FAM81A: variants seen among roughly 807,000 people sequenced by gnomAD.
The protein encoded by FAM81A is family with sequence similarity 81 member A.
A neutral mutation model predicts 46.7 loss-of-function variants in FAM81A; 19 were observed. That is an observed-to-expected ratio of 0.41 (90% CI 0.28 to 0.60). The LOEUF (loss-of-function observed/expected upper bound fraction) is 0.60, where lower values mean the gene tolerates loss of function less well. FAM81A is among the 20% of genes least tolerant of loss of function. The pLI is 0.34. For synonymous variants in FAM81A, 183 were observed against 152.9 expected (o/e 1.20, Z -1.45); for missense variants, 377 against 453.5 (o/e 0.83, Z 1.53).
rs1321878928 is a variant in FAM81A at position 59,447,222 on chromosome 15, G to T, written c.-78+8940G>T. Among the ~76,000 whole-genome samples the T allele has an allele frequency of 2.0e-5, 3 of 152,186 alleles. No individual in the cohort carries two copies. In the East Asian group the frequency reaches 5.8e-4, roughly 29 times the overall value. Reference sequence around the variant, plus strand: ...GTTGTAGGATTTCTGGGTTGCTGAGGTAATGTACAGTTGAAAAAATGTCAA... The same window carrying T: ...GTTGTAGGATTTCTGGGTTGCTGAGTTAATGTACAGTTGAAAAAATGTCAA... On this transcript the variant is annotated intron_variant, in intron 1 of 8. Coordinates refer to ENST00000288228, the MANE Select transcript of FAM81A (RefSeq NM_152450.3).
intron 6 of FAM81A, 75 bp from the exon 7 acceptor site, chr15:59,514,214 T>C: frequency 7.2e-7 from 1 of 1,394,464 alleles, no homozygotes; most frequent in Non-Finnish European, 9.5e-7. Context: ...ATCCTCAACA[T>C]GTACCCTGGA....
At chr15:59,467,412 G>A (rs1436742685) in intron 3 of FAM81A, among the ~76,000 whole-genome samples, 1 of 152,182 alleles carries the variant, frequency 6.6e-6, no homozygotes, top group Admixed American at 6.5e-5. Context: ...CTTCCTTGAA[G>A]AGGTCCTTCA....
At chr15:59,427,821 G>A (rs2081201838) in intron 2 of FAM81A, among the ~76,000 whole-genome samples, 1 of 152,084 alleles carries the variant, frequency 6.6e-6, no homozygotes, top group Middle Eastern at 3.2e-3. Context: ...ATACACTTAG[G>A]TTGCTTCCAA....
At chr15:59,432,959 C>T (rs2081226884) in intron 2 of FAM81A, among the ~76,000 whole-genome samples, 1 of 140,036 alleles carries the variant, frequency 7.1e-6, no homozygotes, top group Admixed American at 7.3e-5. Context: ...CACGGTGAAA[C>T]CCCGTCTCTA....
intron 3 of FAM81A, among the ~76,000 whole-genome samples, chr15:59,471,132 A>G: frequency 6.6e-6 from 1 of 152,094 alleles, no homozygotes; most frequent in East Asian, 1.9e-4. Context: ...TACTTTGTAT[A>G]TTTTTAACCT....
chr15:59,508,834 G>T, intron 5 of FAM81A, 29 bp from the exon 6 acceptor site: 2 of 1,574,078 alleles, frequency 1.3e-6, no homozygotes, highest in Middle Eastern at 1.7e-4. Flanking sequence ...CGTTAGATGT[G>T]ATATTTATAA....
rs76793667 is a variant in FAM81A, at chr15:59,459,194, C to T, written c.20+548C>T. Among the ~76,000 whole-genome samples, 5 of 152,170 alleles carry T rather than the reference C, an allele frequency of 3.3e-5. No homozygotes were observed. The East Asian group carries it at 7.7e-4, about 24-fold the overall frequency. ...ATAATTTTTTTTGTAGAGATAGGGT[C>T]TCGTTGTGTTGCCCAGGCTGATCTT... On this transcript the variant is annotated intron_variant, in intron 2 of 8. Coordinates refer to ENST00000288228, the MANE Select transcript of FAM81A (RefSeq NM_152450.3).
chr15:59,520,679 C>G (rs2082318693), intron 8 of FAM81A, among the ~76,000 whole-genome samples: 1 of 151,746 alleles, frequency 6.6e-6, no homozygotes, highest in South Asian at 2.1e-4. Context: ...TTCTCCCTGC[C>G]TCAGCCTCCC....
chr15:59,482,733 G>A lies in FAM81A; in HGVS notation c.295-9538G>A, dbSNP rs559939075. On this transcript the variant is annotated intron_variant, in intron 3 of 8. Coordinates refer to ENST00000288228, the MANE Select transcript of FAM81A (RefSeq NM_152450.3). Reference sequence around the variant, plus strand: ...GGTCTTATGCCTTACTATAGGCAAAGGTTTGCACCACTACATACAAAAAGA... The same window carrying A: ...GGTCTTATGCCTTACTATAGGCAAAAGTTTGCACCACTACATACAAAAAGA... Among the ~76,000 whole-genome samples, 9 of 152,276 alleles carry A rather than the reference G, an allele frequency of 5.9e-5. No homozygotes were observed. The East Asian group carries it at 1.7e-3, about 29-fold the overall frequency.
chr15:59,425,530 G>C (rs1305257523), intron 2 of FAM81A, among the ~76,000 whole-genome samples: 4 of 152,036 alleles, frequency 2.6e-5, no homozygotes, highest in Non-Finnish European at 5.9e-5. Context: ...TATTATTACA[G>C]TTACACACAG....
chr15:59,425,468 C>A (rs75452485), intron 2 of FAM81A, among the ~76,000 whole-genome samples: 2,157 of 152,182 alleles, frequency 0.014, 44 homozygotes, highest in African/African-American at 0.049. Context: ...ATTCATAAGC[C>A]TTATTTAAAA....
intron 3 of FAM81A, among the ~76,000 whole-genome samples, chr15:59,487,612 G>A (rs2081933770): frequency 6.6e-6 from 1 of 152,010 alleles, no homozygotes; most frequent in South Asian, 2.1e-4. Flanking sequence ...GATCATTAGA[G>A]GCTACTAGGA....
intron 4 of FAM81A, among the ~76,000 whole-genome samples, chr15:59,496,969 G>A (rs1361689003): frequency 6.7e-6 from 1 of 148,828 alleles, no homozygotes; most frequent in East Asian, 2.0e-4. Context: ...CTACCAAAAA[G>A]ACAAAAATTA....
intron 2 of FAM81A, among the ~76,000 whole-genome samples, chr15:59,431,834 C>G (rs1388448213): frequency 6.6e-6 from 1 of 152,164 alleles, no homozygotes; most frequent in Non-Finnish European, 1.5e-5. Flanking sequence ...AAGCTGTTTC[C>G]TGAGTCTACA....
intron 3 of FAM81A, among the ~76,000 whole-genome samples, chr15:59,485,430 C>T (rs2081906099): frequency 6.6e-6 from 1 of 152,150 alleles, no homozygotes; most frequent in Non-Finnish European, 1.5e-5. Context: ...AAAGACTTTG[C>T]TTGTTTGGGA....
chr15:59,516,295 A>G (rs975685045), intron 7 of FAM81A, among the ~76,000 whole-genome samples: 2 of 151,828 alleles, frequency 1.3e-5, no homozygotes, highest in Admixed American at 1.3e-4. Flanking sequence ...ATCCCTGGCT[A>G]ATTTTTGTAT....
chr15:59,489,412 CAT>C (rs375631173), intron 3 of FAM81A, among the ~76,000 whole-genome samples: 2,055 of 152,066 alleles, frequency 0.014, 26 homozygotes, highest in Non-Finnish European at 0.019. Context: ...GGAGAAGACT[CAT>C]AAAAATGGAA....
chr15:59,456,087 G>C (rs759004184), intron 1 of FAM81A, among the ~76,000 whole-genome samples: 7 of 152,140 alleles, frequency 4.6e-5, no homozygotes, highest in African/African-American at 1.7e-4. Context: ...ACAATAAATA[G>C]TATACAAACA....
intron 4 of FAM81A, among the ~76,000 whole-genome samples, chr15:59,501,821 C>T (rs547244079): frequency 6.6e-6 from 1 of 152,144 alleles, no homozygotes; most frequent in African/African-American, 2.4e-5. Flanking sequence ...GCATTAAGGA[C>T]GAATAGGAAA....
Sources: gnomAD v4.1 joint callset for allele counts (sites outside exome capture counted in the v4.1 genomes callset) on GRCh38, gnomAD v4.1.1 for gene constraint, MANE v1.5 for transcripts, NCBI Gene and HGNC (gene_info 2026-07-23, HGNC 2026-07-21) for gene names.